OR3A2: variants seen among roughly 807,000 people sequenced by gnomAD.
OR3A2 encodes the protein olfactory receptor family 3 subfamily A member 2.
For missense variants in OR3A2, 318 were observed against 392.8 expected (o/e 0.81, Z 1.61); for synonymous variants, 126 against 159.3 (o/e 0.79, Z 1.57).
At chr17:3,376,424 G>A (rs1176875096) in intron 2 of OR3A2, among the ~76,000 whole-genome samples, 5 of 152,162 alleles carry the variant, frequency 3.3e-5, no homozygotes, top group East Asian at 1.9e-4. Flanking sequence ...AGGGTTAGGT[G>A]GGTCTGAGCA....
intron 2 of OR3A2, among the ~76,000 whole-genome samples, chr17:3,381,315 A>AG (rs1321639926): frequency 5.8e-4 from 84 of 144,674 alleles, no homozygotes; most frequent in African/African-American, 1.9e-3. Flanking sequence ...CCTCAAACAT[A>AG]GGGTTTTTTT....
intron 2 of OR3A2, among the ~76,000 whole-genome samples, chr17:3,346,184 T>C (rs2150650603): frequency 6.6e-6 from 1 of 152,354 alleles, no homozygotes; most frequent in South Asian, 2.1e-4. Flanking sequence ...TTGTCACAAA[T>C]GACAGGACTT....
intron 2 of OR3A2, among the ~76,000 whole-genome samples, chr17:3,367,235 T>G (rs914561432): frequency 2.0e-5 from 3 of 152,192 alleles, no homozygotes; most frequent in Non-Finnish European, 4.4e-5. Context: ...CAATAGATTT[T>G]GGGGAAGAAA....
chr17:3,331,945 C>T (rs977378678), intron 3 of OR3A2, among the ~76,000 whole-genome samples: 4 of 151,738 alleles, frequency 2.6e-5, no homozygotes, highest in Non-Finnish European at 5.9e-5. Context: ...ACAGGACCCT[C>T]AGCTGCAGGT....
In OR3A2 at chr17:3,301,272, C is replaced by T. The variant is rs185288355; in HGVS notation, c.-84-22119G>A. ...GTTCCGTGAGGAATCGCCACACTGT[C>T]TTCCACAATGGTTGAACTAGTTTAC... On this transcript the variant is annotated intron_variant, in intron 3 of 4. Coordinates refer to the OR3A2 transcript ENST00000573491. Among the ~76,000 whole-genome samples, 371 of 152,332 alleles carry T rather than the reference C, an allele frequency of 2.4e-3. 1 individual carries two copies. Among genetic ancestry groups the T allele is most frequent in the African/African-American group, 8.4e-3 (348 of 41,556 alleles).
chr17:3,278,502 A>G, exon 2 of OR3A2: 1 of 1,614,084 alleles, frequency 6.2e-7, no homozygotes, highest in Non-Finnish European at 8.5e-7. Flanking sequence ...TGTCTGACTC[A>G]TGCGGGTGCT....
At chr17:3,295,516 C>T (rs1458023388) in intron 3 of OR3A2, among the ~76,000 whole-genome samples, 2 of 151,990 alleles carry the variant, frequency 1.3e-5, no homozygotes, top group Non-Finnish European at 2.9e-5. Flanking sequence ...ACAAATGTAG[C>T]CCTTACAGTG....
intron 3 of OR3A2, among the ~76,000 whole-genome samples, chr17:3,324,840 A>G (rs914168097): frequency 6.6e-6 from 1 of 152,128 alleles, no homozygotes; most frequent in East Asian, 1.9e-4. Context: ...GCCCGTTCTC[A>G]GATCTCAAGC....
intron 3 of OR3A2, among the ~76,000 whole-genome samples, chr17:3,307,021 G>A (rs377334797): frequency 2.2e-4 from 33 of 152,344 alleles, no homozygotes; most frequent in African/African-American, 7.7e-4. Context: ...TGTACATCTT[G>A]GGTTCCTGTG....
chr17:3,384,864 T>TA (rs1043556890), intron 1 of OR3A2, among the ~76,000 whole-genome samples: 1 of 151,994 alleles, frequency 6.6e-6, no homozygotes, highest in African/African-American at 2.4e-5. Flanking sequence ...ACCACAAGCC[T>TA]AAAATATTAA....
intron 2 of OR3A2, among the ~76,000 whole-genome samples, chr17:3,364,077 T>C (rs1372312425): frequency 6.6e-6 from 1 of 152,172 alleles, no homozygotes; most frequent in Admixed American, 6.5e-5. Context: ...AAGTAACTTA[T>C]AAATGATATA....
chr17:3,326,519 A>G (rs1412500192), intron 3 of OR3A2, among the ~76,000 whole-genome samples: 2 of 151,388 alleles, frequency 1.3e-5, no homozygotes, highest in Non-Finnish European at 1.5e-5. Flanking sequence ...CGAAATTAAT[A>G]CTTTTATAAT....
At chr17:3,307,252 T>C (rs200918587) in intron 3 of OR3A2, among the ~76,000 whole-genome samples, 2 of 152,202 alleles carry the variant, frequency 1.3e-5, no homozygotes, top group African/African-American at 2.4e-5. Flanking sequence ...TTCCTTAACA[T>C]TGTGTCAGAA....
intron 2 of OR3A2, among the ~76,000 whole-genome samples, chr17:3,383,511 C>T (rs1321432475): frequency 1.3e-5 from 2 of 152,150 alleles, no homozygotes; most frequent in Admixed American, 6.5e-5. Flanking sequence ...TTTCCACAGC[C>T]AGTCAGGATG....
intron 3 of OR3A2, among the ~76,000 whole-genome samples, chr17:3,315,758 G>GA (rs2049077156): frequency 9.4e-6 from 1 of 106,874 alleles, no homozygotes; most frequent in Admixed American, 1.1e-4. Flanking sequence ...ATATGGGGGG[G>GA]GGGGCGGTAG....
At chr17:3,281,324 C>T (rs2048775518) in intron 1 of OR3A2, among the ~76,000 whole-genome samples, 2 of 151,538 alleles carry the variant, frequency 1.3e-5, no homozygotes, top group Non-Finnish European at 2.9e-5. Flanking sequence ...ACCTCCGCCT[C>T]CCAGGTTCAA....
chr17:3,378,025 A>G (rs1211641231), intron 2 of OR3A2, among the ~76,000 whole-genome samples: 1 of 152,240 alleles, frequency 6.6e-6, no homozygotes, highest in Non-Finnish European at 1.5e-5. Context: ...TGATTGGCTG[A>G]ATGGTCATCA....
At chr17:3,384,587 G>A (rs556578347) in intron 1 of OR3A2, among the ~76,000 whole-genome samples, 1 of 152,090 alleles carries the variant, frequency 6.6e-6, no homozygotes, top group East Asian at 1.9e-4. Flanking sequence ...ATTTACTCCT[G>A]CTTGGTTCAT....
chr17:3,288,624 G>C (rs887621099), upstream of OR3A2, among the ~76,000 whole-genome samples: 1 of 152,132 alleles, frequency 6.6e-6, no homozygotes, highest in African/African-American at 2.4e-5. Context: ...ATTTCATCTA[G>C]TTTTCAAATA....
Sources: gnomAD v4.1 joint callset for allele counts (sites outside exome capture counted in the v4.1 genomes callset) on GRCh38, gnomAD v4.1.1 for gene constraint, MANE v1.5 for transcripts, NCBI Gene and HGNC (gene_info 2026-07-23, HGNC 2026-07-21) for gene names.